Variants in ELMO1 observed in about 807,000 individuals in gnomAD.
ELMO1 encodes engulfment and cell motility protein 1.
Under a neutral mutation model 98.9 loss-of-function variants are expected in ELMO1, and 26 were observed. The observed-to-expected ratio is 0.26, with a 90% confidence interval of 0.19 to 0.36. ELMO1 has a LOEUF of 0.36. ELMO1 is among the 10% of genes least tolerant of loss of function. ELMO1 has a pLI of 1.00. For synonymous variants in ELMO1, 346 were observed against 346.0 expected (o/e 1.00, Z 0.00); for missense variants, 627 against 935.2 (o/e 0.67, Z 4.30).
At chr7:37,037,249 G>A (rs10488031) in intron 15 of ELMO1, among the ~76,000 whole-genome samples, 13,981 of 152,234 alleles carry the variant, frequency 0.092, 814 homozygotes, top group African/African-American at 0.17. Context: ...CCTCAAGTGA[G>A]TATGTTCAAT....
chr7:37,411,990 C>A (rs1042615909), intron 1 of ELMO1, among the ~76,000 whole-genome samples: 1 of 152,068 alleles, frequency 6.6e-6, no homozygotes, highest in East Asian at 1.9e-4. Context: ...AAATTAAAGT[C>A]CCTTCCTCAC....
At chr7:37,226,649 TCTC>T (rs1379826543) in intron 8 of ELMO1, among the ~76,000 whole-genome samples, 1 of 152,156 alleles carries the variant, frequency 6.6e-6, no homozygotes, top group Non-Finnish European at 1.5e-5. Flanking sequence ...CAACTAATTT[TCTC>T]CTCATTCCCG....
intron 6 of ELMO1, 87 bp downstream of exon 6, chr7:37,259,094 A>G (rs1795843942): frequency 2.1e-6 from 3 of 1,426,020 alleles, no homozygotes; most frequent in Admixed American, 2.5e-5. Flanking sequence ...TCTTTAAAAC[A>G]GAGTTTGCAA....
chr7:36,956,674 G>C (rs1385359381), intron 16 of ELMO1, among the ~76,000 whole-genome samples: 1 of 152,198 alleles, frequency 6.6e-6, no homozygotes, highest in Non-Finnish European at 1.5e-5. Context: ...TAGTGACAAA[G>C]CTTCTTAGCA....
At chr7:36,968,098 C>A (rs934838508) in intron 16 of ELMO1, among the ~76,000 whole-genome samples, 19 of 152,062 alleles carry the variant, frequency 1.2e-4, no homozygotes, top group African/African-American at 4.6e-4. Context: ...TGAGTGTTAA[C>A]ATTGTGGTGC....
intron 15 of ELMO1, among the ~76,000 whole-genome samples, chr7:37,040,961 T>A (rs903004366): frequency 1.3e-5 from 2 of 152,090 alleles, no homozygotes; most frequent in Non-Finnish European, 2.9e-5. Context: ...ATGCCTGTAA[T>A]TCCAGCTGCT....
intron 2 of ELMO1, among the ~76,000 whole-genome samples, chr7:37,324,857 CG>C (rs1228535619): frequency 6.6e-6 from 1 of 152,222 alleles, no homozygotes; most frequent in Non-Finnish European, 1.5e-5. Context: ...GGATTACAGG[CG>C]TAAGCACCGC....
intron 10 of ELMO1, among the ~76,000 whole-genome samples, chr7:37,218,907 C>G (rs1373789081): frequency 2.6e-5 from 4 of 152,178 alleles, no homozygotes; most frequent in Non-Finnish European, 2.9e-5. Flanking sequence ...TTTTAACTAA[C>G]AAGTTTTTTA....
At chr7:37,431,118 C>T (rs1339182964) in intron 1 of ELMO1, among the ~76,000 whole-genome samples, 1 of 152,194 alleles carries the variant, frequency 6.6e-6, no homozygotes, top group Non-Finnish European at 1.5e-5. Context: ...AGGAGGTTAA[C>T]TTGAAGCCAG....
At chr7:37,180,062 AT>A (rs35778135) in intron 13 of ELMO1, among the ~76,000 whole-genome samples, 37,825 of 151,950 alleles carry the variant, frequency 0.25, 6,048 homozygotes, top group African/African-American at 0.46. Context: ...TGAAAGAATG[AT>A]TTTTAACCCA....
intron 1 of ELMO1, among the ~76,000 whole-genome samples, chr7:37,388,040 C>T (rs1235996138): frequency 2.6e-5 from 4 of 151,980 alleles, no homozygotes; most frequent in Non-Finnish European, 5.9e-5. Context: ...CCCTATGTTG[C>T]CTGCCCAAGC....
intron 13 of ELMO1, among the ~76,000 whole-genome samples, chr7:37,192,797 C>A (rs1360222621): frequency 0.013 from 1,414 of 111,132 alleles, no homozygotes; most frequent in Non-Finnish European, 0.015. Context: ...GACTCTGTCT[C>A]AAAAAAAAAA....
chr7:37,216,029 A>T (rs17170928), intron 11 of ELMO1, among the ~76,000 whole-genome samples: 5,128 of 150,072 alleles, frequency 0.034, 307 homozygotes, highest in African/African-American at 0.12. Flanking sequence ...AGGGCAATCA[A>T]TCAACCTGCT....
At chr7:36,909,781 T>A (rs190183824) in intron 16 of ELMO1, among the ~76,000 whole-genome samples, 20 of 152,376 alleles carry the variant, frequency 1.3e-4, no homozygotes, top group Admixed American at 1.2e-3. Flanking sequence ...GAAAGTCTTT[T>A]TCTTCAAGGA....
chr7:37,098,495 G>A (rs775139989), intron 14 of ELMO1, among the ~76,000 whole-genome samples: 3 of 152,166 alleles, frequency 2.0e-5, no homozygotes, highest in Non-Finnish European at 2.9e-5. Flanking sequence ...AGAATCAAAC[G>A]ATGAGAAAGA....
intron 14 of ELMO1, among the ~76,000 whole-genome samples, chr7:37,099,907 G>A (rs1361982438): frequency 2.0e-5 from 3 of 150,256 alleles, no homozygotes; most frequent in Non-Finnish European, 4.4e-5. Flanking sequence ...ATCTCGGCTC[G>A]CTGCAACCTC....
chr7:36,956,345 G>T (rs914048472), intron 16 of ELMO1, among the ~76,000 whole-genome samples: 2 of 152,000 alleles, frequency 1.3e-5, no homozygotes, highest in African/African-American at 4.8e-5. Context: ...CTCTTGGTCA[G>T]GGCAGAATCT....
intron 13 of ELMO1, among the ~76,000 whole-genome samples, chr7:37,168,227 G>A (rs1255382709): frequency 6.6e-6 from 1 of 152,078 alleles, no homozygotes; most frequent in Non-Finnish European, 1.5e-5. Flanking sequence ...GGTTATTCTA[G>A]TTATACATTC....
intron 15 of ELMO1, among the ~76,000 whole-genome samples, chr7:37,015,941 A>G (rs1182780049): frequency 2.0e-5 from 3 of 152,202 alleles, no homozygotes; most frequent in African/African-American, 7.2e-5. Context: ...ATACAAAGCT[A>G]TTTAAGAAAC....
Sources: allele counts gnomAD v4.1 joint callset (sites outside exome capture counted in the v4.1 genomes callset), GRCh38; gene constraint gnomAD v4.1.1; transcripts MANE v1.5; gene names NCBI Gene and HGNC (gene_info 2026-07-23, HGNC 2026-07-21).